SUSD4: variants seen among roughly 807,000 people sequenced by gnomAD.
SUSD4 encodes the protein sushi domain containing 4, also known as sushi domain-containing protein 4.
SUSD4 carries 41 observed loss-of-function variants against 50.5 expected under a neutral mutation model. The ratio of observed to expected loss-of-function variants is 0.81; its 90% CI spans 0.63 to 1.05. The LOEUF (loss-of-function observed/expected upper bound fraction) is 1.05, where lower values mean the gene tolerates loss of function less well. SUSD4 is among the 50% of genes least tolerant of loss of function. The pLI, the probability that SUSD4 is intolerant of heterozygous loss-of-function variation, is 0.00. For synonymous variants in SUSD4, 257 were observed against 257.3 expected, an observed-to-expected ratio of 1.00 and a Z score of 0.01; for missense variants, 580 against 634.7, an observed-to-expected ratio of 0.91 and a Z score of 0.93.
intron 2 of SUSD4, among the ~76,000 whole-genome samples, chr1:223,307,507 C>G: frequency 6.6e-6 from 1 of 152,144 alleles, no homozygotes. Flanking sequence ...TTTAGTGATA[C>G]TGAATATTCC....
chr1:223,352,327 T>C (rs1380757582), intron 2 of SUSD4, among the ~76,000 whole-genome samples: 2 of 152,194 alleles, frequency 1.3e-5, no homozygotes, highest in East Asian at 1.9e-4. Flanking sequence ...CTCATTTCCA[T>C]GTAAATGAAA....
intron 3 of SUSD4, among the ~76,000 whole-genome samples, chr1:223,280,988 C>A (rs1663679598): frequency 1.3e-5 from 2 of 152,214 alleles, no homozygotes; most frequent in South Asian, 4.1e-4. Flanking sequence ...TGAATGACTA[C>A]TAGTTACATA....
At chr1:223,360,604 T>C (rs1668920476) in intron 2 of SUSD4, among the ~76,000 whole-genome samples, 1 of 152,212 alleles carries the variant, frequency 6.6e-6, no homozygotes, top group Non-Finnish European at 1.5e-5. Context: ...TTCCTGTTCC[T>C]ACTTTTCTTT....
intron 5 of SUSD4, among the ~76,000 whole-genome samples, chr1:223,250,809 G>A (rs187135882): frequency 2.0e-4 from 31 of 152,298 alleles, no homozygotes; most frequent in South Asian, 1.0e-3. Flanking sequence ...GCGGTGTACC[G>A]GGCTAGAGGC....
In SUSD4 at chr1:223,223,628, C is replaced by T. The variant is rs754760773; in HGVS notation, c.1065G>A (p.Gly355=). ...TKFKAHFPPR[G]PPRSSSSDPD... ...GGTCACTGCTGGAACTCCGGGGAGG[C>T]CCCCTGTGTAAAGGAAAGAAGTGCC... Residue 355 remains glycine (G), a synonymous_variant, in exon 8 of 9, where the codon GGG becomes GGA. Coordinates refer to ENST00000366878, the MANE Select transcript of SUSD4 (RefSeq NM_017982.4). 4.4e-6 allele frequency: 7 copies of T among 1,600,674 alleles called. No homozygotes were observed. The African/African-American group carries it at 9.4e-5, about 21-fold the overall frequency.
chr1:223,271,772 C>A (rs991896511), intron 3 of SUSD4, among the ~76,000 whole-genome samples: 1 of 152,134 alleles, frequency 6.6e-6, no homozygotes, highest in Non-Finnish European at 1.5e-5. Context: ...AAAGTATGTG[C>A]CCAGTGAGTT....
rs966519646 is a variant in SUSD4 at position 223,284,910 on chromosome 1, CAGAT to C, written c.361+7525_361+7528del. Among the ~76,000 whole-genome samples the C allele has an allele frequency of 7.9e-5, 12 of 152,026 alleles. No homozygotes were observed. In the South Asian group the frequency reaches 1.2e-3, roughly 16 times the overall value. On this transcript the variant is annotated intron_variant, in intron 3 of 8. Transcript: ENST00000366878. ...AGATTTCTTAAAGAATATAAAGTCA[CAGAT>C]AGATAGGAGGAATAAGTTCTAGAGT... is the stretch of plus-strand genomic sequence containing the variant.
intron 2 of SUSD4, among the ~76,000 whole-genome samples, chr1:223,356,397 A>G (rs1430341045): frequency 6.6e-6 from 1 of 151,626 alleles, no homozygotes; most frequent in East Asian, 1.9e-4. Context: ...ACATTCACAA[A>G]TCTCAGATTT....
At chr1:223,321,436 A>G (rs1449966665) in intron 2 of SUSD4, among the ~76,000 whole-genome samples, 1 of 152,198 alleles carries the variant, frequency 6.6e-6, no homozygotes, top group East Asian at 1.9e-4. Context: ...GAGATATTCT[A>G]TGTAGCTCAC....
intron 5 of SUSD4, among the ~76,000 whole-genome samples, chr1:223,233,885 G>A (rs1660050244): frequency 6.7e-6 from 1 of 149,926 alleles, no homozygotes; most frequent in Admixed American, 6.6e-5. Context: ...CTTTTGTGAG[G>A]CTTGGGAGTC....
intron 2 of SUSD4, among the ~76,000 whole-genome samples, chr1:223,309,603 A>T (rs1026007795): frequency 4.6e-5 from 7 of 152,114 alleles, no homozygotes; most frequent in Non-Finnish European, 8.8e-5. Context: ...GATTATATTT[A>T]ATTTAGAGAA....
At chr1:223,267,064 C>A (rs190113934) in intron 4 of SUSD4, among the ~76,000 whole-genome samples, 34 of 152,300 alleles carry the variant, frequency 2.2e-4, no homozygotes, top group African/African-American at 7.2e-4. Context: ...TGCAGGGTAA[C>A]CGACTGGCTC....
intron 5 of SUSD4, among the ~76,000 whole-genome samples, chr1:223,252,222 A>T (rs1661367494): frequency 2.5e-5 from 2 of 81,396 alleles, no homozygotes; most frequent in Non-Finnish European, 5.0e-5. Context: ...GTATAATTAA[A>T]AAAAAAAAAA....
At chr1:223,230,138 G>A (rs1171910319) in intron 5 of SUSD4, among the ~76,000 whole-genome samples, 2 of 152,204 alleles carry the variant, frequency 1.3e-5, no homozygotes, top group African/African-American at 2.4e-5. Context: ...AGAAAAAGTT[G>A]TTTTTAGTGT....
At chr1:223,346,659 G>T (rs1296506443) in intron 2 of SUSD4, among the ~76,000 whole-genome samples, 2 of 152,076 alleles carry the variant, frequency 1.3e-5, no homozygotes, top group African/African-American at 4.8e-5. Flanking sequence ...CTCTGCCCCA[G>T]TTTCCTCATA....
chr1:223,237,120 T>C (rs1163555450), intron 5 of SUSD4, among the ~76,000 whole-genome samples: 2 of 152,102 alleles, frequency 1.3e-5, no homozygotes, highest in African/African-American at 4.8e-5. Context: ...ATGTAAATCG[T>C]ATTGTGTTTT....
At chr1:223,259,787 TG>T (rs1319647676) in intron 5 of SUSD4, among the ~76,000 whole-genome samples, 3 of 152,146 alleles carry the variant, frequency 2.0e-5, no homozygotes, top group African/African-American at 2.4e-5. Context: ...CCTGCAACTA[TG>T]TGCTACATGG....
At chr1:223,277,895 A>G (rs989765761) in intron 3 of SUSD4, among the ~76,000 whole-genome samples, 98 of 152,336 alleles carry the variant, frequency 6.4e-4, no homozygotes, top group African/African-American at 2.3e-3. Flanking sequence ...TTACAAAGCA[A>G]TATCAGACCA....
At chr1:223,291,735 T>C (rs560901029) in intron 3 of SUSD4, among the ~76,000 whole-genome samples, 2 of 152,316 alleles carry the variant, frequency 1.3e-5, no homozygotes, top group East Asian at 1.9e-4. Context: ...ACTTCAGCCC[T>C]GCTGGTCTTC....
Sources: gnomAD v4.1 joint callset for allele counts (sites outside exome capture counted in the v4.1 genomes callset) on GRCh38, gnomAD v4.1.1 for gene constraint, MANE v1.5 for transcripts, NCBI Gene and HGNC (gene_info 2026-07-23, HGNC 2026-07-21) for gene names.